Variants in TBC1D8 observed in about 807,000 individuals in gnomAD.
TBC1D8 encodes TBC1 domain family member 8.
In TBC1D8, 65 loss-of-function variants were observed where a neutral mutation model predicts 118.8. That is an observed-to-expected ratio of 0.55 (90% confidence interval 0.45 to 0.67). The LOEUF (loss-of-function observed/expected upper bound fraction) is 0.67, where lower values mean the gene tolerates loss of function less well. Among genes scored for constraint, TBC1D8 ranks in the 30% least tolerant of loss-of-function variants. The pLI is 0.00. For synonymous variants in TBC1D8, 566 were observed against 595.8 expected, an observed-to-expected ratio of 0.95 and a Z score of 0.73; for missense variants, 1,376 against 1,471.2, an observed-to-expected ratio of 0.94 and a Z score of 1.06.
chr2:101,086,984 A>G (rs1477275079), intron 2 of TBC1D8, among the ~76,000 whole-genome samples: 1 of 152,010 alleles, frequency 6.6e-6, no homozygotes, highest in Non-Finnish European at 1.5e-5. Context: ...GGGTTTCCCC[A>G]TGTTGGCCAA....
intron 11 of TBC1D8, among the ~76,000 whole-genome samples, chr2:101,030,283 G>A (rs1349524411): frequency 6.6e-6 from 1 of 152,174 alleles, no homozygotes; most frequent in Admixed American, 6.5e-5. Flanking sequence ...CCATATGCCT[G>A]ACAGAGGTCT....
intron 15 of TBC1D8, among the ~76,000 whole-genome samples, chr2:101,026,381 G>T (rs12474501): frequency 0.21 from 31,909 of 152,124 alleles, 4,007 homozygotes; most frequent in East Asian, 0.4. Context: ...AATAAAACTT[G>T]CAAACATGAT....
In TBC1D8 at chr2:101,036,224, C is replaced by T. The variant is rs560105970; in HGVS notation, c.1453-56G>A. ...GAAGTCTGTCCTCACCACCCCCCAC[C>T]CACCGATGCACCGCTGGCAATGGAG... On this transcript the variant is annotated intron_variant, in intron 8 of 19. Coordinates refer to ENST00000409318, the MANE Select transcript of TBC1D8 (RefSeq NM_001330348.2). The T allele has an allele frequency of 7.8e-4, 1,239 of 1,584,930 alleles. 3 individuals are homozygous for T. The highest frequency in any genetic ancestry group is 4.0e-3 in the Admixed American group (238 of 59,028).
chr2:101,032,689 A>G (rs565413472), intron 10 of TBC1D8: 23 of 312,572 alleles, frequency 7.4e-5, no homozygotes, highest in Non-Finnish European at 1.3e-4. Flanking sequence ...TTGTTCAAGC[A>G]GACACACACA....
chr2:101,050,381 T>C lies in TBC1D8; in HGVS notation c.872+20A>G, dbSNP rs1438698156. On this transcript the variant is annotated intron_variant, in intron 5 of 19. Transcript: ENST00000409318. ...GGTCCCCCGTGCGGGTGGGAGACAC[T>C]CTAGAACAGTCACTTTCACCTCTTG... The C allele has an allele frequency of 6.2e-7, 1 of 1,610,786 alleles. No homozygotes were observed. The highest frequency in any genetic ancestry group is 1.1e-5 in the South Asian group (1 of 90,926).
intron 2 of TBC1D8, among the ~76,000 whole-genome samples, chr2:101,061,890 G>A (rs762619612): frequency 7.2e-5 from 11 of 152,146 alleles, no homozygotes; most frequent in South Asian, 4.1e-4. Flanking sequence ...ATCAAACCCA[G>A]CTACTCTAGG....
chr2:101,112,212 G>A (rs975915284), intron 1 of TBC1D8, among the ~76,000 whole-genome samples: 4 of 152,182 alleles, frequency 2.6e-5, no homozygotes, highest in Non-Finnish European at 4.4e-5. Context: ...ACACATGACA[G>A]CAAGAACCCT....
At chr2:101,018,974 T>C in intron 17 of TBC1D8, 1 of 1,609,680 alleles carries the variant, frequency 6.2e-7, no homozygotes, top group Non-Finnish European at 8.5e-7. Context: ...TGGTACCAAA[T>C]CATCTGTAAT....
At chr2:101,017,090 A>G (rs1679708559) in intron 17 of TBC1D8, among the ~76,000 whole-genome samples, 1 of 100,426 alleles carries the variant, frequency 1.0e-5, no homozygotes. Context: ...AAAAAAAAAA[A>G]GACAAACACG....
In TBC1D8 at chr2:101,029,512, T is replaced by A; in HGVS notation, c.2201A>T (p.Gln734Leu). Reference sequence around the variant, plus strand: ...CCACCTGCTGAGGATCATCAAGGCCTGGCCATCATCCTTGCTGCTGCACAG... The same window carrying A: ...CCACCTGCTGAGGATCATCAAGGCCAGGCCATCATCCTTGCTGCTGCACAG... ...EDLCSSKDDGQALMILSRFLD... is the reference protein window; with the variant it reads ...EDLCSSKDDGLALMILSRFLD... Residue 734 changes from glutamine (Q) to leucine (L), a missense_variant, in exon 12 of 20, where the codon CAG (glutamine) becomes CTG (leucine). Physicochemically the swap from Gln to Leu is moderately radical, Grantham distance 113 (BLOSUM62 -2). Coordinates refer to ENST00000409318, the MANE Select transcript of TBC1D8 (RefSeq NM_001330348.2). 6.2e-7 allele frequency: 1 copy of A among 1,613,578 alleles called. No individual in the cohort carries two copies.
chr2:101,135,784 C>T (rs767712255), intron 1 of TBC1D8, among the ~76,000 whole-genome samples: 7 of 152,188 alleles, frequency 4.6e-5, no homozygotes, highest in Non-Finnish European at 8.8e-5. Context: ...TTTCTGCAGT[C>T]GTTTTTCCCT....
Position 101,111,556 on chromosome 2 carries a change from C to T in TBC1D8, c.128-21192G>A, listed in dbSNP as rs368179355. The stretch of plus-strand genomic sequence containing the variant: ...CAAGAACAGAATGAGCAGTCACCTG[C>T]ACATGGTGCCCCAGATACATGGGAA... On this transcript the variant is annotated intron_variant, in intron 1 of 19. Transcript: ENST00000409318. Among the ~76,000 whole-genome samples, 9 of 152,280 alleles carry T rather than the reference C, an allele frequency of 5.9e-5. No homozygotes were observed. In the South Asian group the frequency reaches 1.7e-3, roughly 28 times the overall value.
At chr2:101,045,925 G>A (rs1245834949) in intron 5 of TBC1D8, among the ~76,000 whole-genome samples, 8 of 152,224 alleles carry the variant, frequency 5.3e-5, no homozygotes, top group African/African-American at 1.9e-4. Flanking sequence ...CCCAGGATGT[G>A]GAGGCTACAG....
At chr2:101,011,131 A>G in intron 18 of TBC1D8, 105 bp from the exon 19 acceptor site, 1 of 1,087,052 alleles carries the variant, frequency 9.2e-7, no homozygotes, top group East Asian at 2.4e-5. Flanking sequence ...GAATTCCACT[A>G]AGCAAATTCC....
At chr2:101,066,227 T>A (rs889212448) in intron 2 of TBC1D8, among the ~76,000 whole-genome samples, 5 of 151,934 alleles carry the variant, frequency 3.3e-5, no homozygotes, top group African/African-American at 1.2e-4. Flanking sequence ...GAGGTTGCAG[T>A]GAGCCGAGAT....
intron 15 of TBC1D8, among the ~76,000 whole-genome samples, chr2:101,026,529 G>A (rs569436821): frequency 2.6e-4 from 40 of 152,288 alleles, no homozygotes; most frequent in Middle Eastern, 6.8e-3. Context: ...GGCTTCCAAA[G>A]CCCTGGACTC....
intron 1 of TBC1D8, among the ~76,000 whole-genome samples, chr2:101,141,638 A>C (rs1221279304): frequency 6.6e-6 from 1 of 152,184 alleles, no homozygotes; most frequent in African/African-American, 2.4e-5. Flanking sequence ...GAAAAGATCT[A>C]GGTAAATTAA....
chr2:101,124,675 C>G (rs957098895), intron 1 of TBC1D8, among the ~76,000 whole-genome samples: 2 of 152,146 alleles, frequency 1.3e-5, no homozygotes, highest in Non-Finnish European at 2.9e-5. Context: ...ACTCAGGGAC[C>G]AGATCAAATG....
intron 3 of TBC1D8, among the ~76,000 whole-genome samples, chr2:101,058,830 T>C (rs1682587475): frequency 6.6e-6 from 1 of 152,162 alleles, no homozygotes; most frequent in African/African-American, 2.4e-5. Context: ...ACTATTTTTT[T>C]TTCCTGGGAT....
Sources: allele counts gnomAD v4.1 joint callset (sites outside exome capture counted in the v4.1 genomes callset), GRCh38; gene constraint gnomAD v4.1.1; transcripts MANE v1.5; gene names NCBI Gene and HGNC (gene_info 2026-07-23, HGNC 2026-07-21).